AGO3: variants seen among roughly 807,000 people sequenced by gnomAD.
The protein encoded by AGO3 is argonaute RISC catalytic component 3, also known as protein argonaute-3.
AGO3 carries 16 observed loss-of-function variants against 105.5 expected under a neutral mutation model. The observed-to-expected ratio is 0.15, with a 90% CI of 0.10 to 0.23. The LOEUF (loss-of-function observed/expected upper bound fraction) is 0.23, where lower values mean the gene tolerates loss of function less well. AGO3 is among the 10% of genes least tolerant of loss of function. AGO3 has a pLI of 1.00. For missense variants in AGO3, 534 were observed against 1,088.0 expected (o/e 0.49, Z 7.16); for synonymous variants, 340 against 367.3 (o/e 0.93, Z 0.85).
intron 2 of AGO3, among the ~76,000 whole-genome samples, chr1:35,958,330 G>A (rs1286863004): frequency 3.3e-5 from 5 of 150,030 alleles, no homozygotes; most frequent in Non-Finnish European, 5.9e-5. Context: ...GCAGTGAGCC[G>A]AGATCACACC....
rs540546524 is a variant in AGO3, at chr1:35,969,128, G to A, written c.312+2053G>A. ...TTGGGTTTTGGGCAGTGAGTTGTAG[G>A]AGTTCTTTATTTTTAGATTTTTTAT... On this transcript the variant is annotated intron_variant, in intron 3 of 18. Coordinates refer to ENST00000373191, the MANE Select transcript of AGO3 (RefSeq NM_024852.4). Among the ~76,000 whole-genome samples the A allele has an allele frequency of 3.3e-5, 5 of 152,030 alleles. No homozygotes were observed. The East Asian group carries it at 9.6e-4, about 29-fold the overall frequency.
Position 36,013,647 on chromosome 1 carries a change from T to C in AGO3, c.1167T>C (p.Tyr389=). 1 of 1,613,948 alleles carries C rather than the reference T, an allele frequency of 6.2e-7. No homozygotes were observed. The highest frequency in any genetic ancestry group is 8.5e-7 in the Non-Finnish European group (1 of 1,179,922). ...EISRLVRSAN[Y]ETDPFVQEFQ... is the part of the protein sequence containing the mutation. ...ATTTTTAGGTAAGAAGTGCAAATTA[T>C]GAAACAGATCCATTTGTTCAGGAGT... Residue 389 remains tyrosine (Y), a synonymous_variant, in exon 10 of 19, where the codon TAT becomes TAC. Coordinates refer to ENST00000373191, the MANE Select transcript of AGO3 (RefSeq NM_024852.4).
At chr1:35,972,603 C>G (rs1646888136) in intron 4 of AGO3, among the ~76,000 whole-genome samples, 1 of 151,894 alleles carries the variant, frequency 6.6e-6, no homozygotes, top group Non-Finnish European at 1.5e-5. Context: ...TGCTTTTTTT[C>G]AATAACCCTA....
At chr1:35,959,034 G>T (rs1156953295) in intron 2 of AGO3, among the ~76,000 whole-genome samples, 3 of 152,242 alleles carry the variant, frequency 2.0e-5, no homozygotes, top group East Asian at 3.9e-4. Flanking sequence ...GAATTAAGAG[G>T]TACCTAATAA....
intron 5 of AGO3, among the ~76,000 whole-genome samples, chr1:35,995,209 A>AAAAAAAAATAT (rs1237315557): frequency 8.7e-6 from 1 of 114,790 alleles, no homozygotes; most frequent in African/African-American, 3.8e-5. Context: ...TAAAAAAAAA[A>AAAAAAAAATAT]ATATATATAT....
intron 12 of AGO3, among the ~76,000 whole-genome samples, chr1:36,030,205 T>G (rs990161799): frequency 6.6e-6 from 1 of 151,912 alleles, no homozygotes; most frequent in Non-Finnish European, 1.5e-5. Context: ...TTATTCATAG[T>G]TAAAGAAAAA....
At chr1:35,994,153 T>C (rs1223077648) in intron 5 of AGO3, among the ~76,000 whole-genome samples, 1 of 148,076 alleles carries the variant, frequency 6.8e-6, no homozygotes, top group African/African-American at 2.5e-5. Context: ...CGAGCTATGC[T>C]GCTCAGGCTG....
At chr1:35,973,229 T>C in intron 4 of AGO3, 146 bp from the exon 5 acceptor site, 1 of 914,424 alleles carries the variant, frequency 1.1e-6, no homozygotes, top group East Asian at 3.2e-5. Context: ...TACTTTTTGC[T>C]TTCTCAAATT....
At chr1:35,993,309 G>T (rs747783496) in intron 5 of AGO3, among the ~76,000 whole-genome samples, 3 of 151,888 alleles carry the variant, frequency 2.0e-5, no homozygotes, top group Non-Finnish European at 2.9e-5. Context: ...TTAAAAAACT[G>T]TACAGAATAT....
chr1:36,003,025 C>T (rs914540022), intron 5 of AGO3, among the ~76,000 whole-genome samples: 9 of 151,722 alleles, frequency 5.9e-5, no homozygotes, highest in Admixed American at 2.0e-4. Context: ...GAGCCGAGAT[C>T]GCGCCATTGC....
chr1:36,049,155 C>T (rs181873677), intron 17 of AGO3, among the ~76,000 whole-genome samples: 32 of 152,242 alleles, frequency 2.1e-4, no homozygotes, highest in Admixed American at 1.4e-3. Context: ...ACATTGAGCA[C>T]ACATGGACAT....
intron 5 of AGO3, among the ~76,000 whole-genome samples, chr1:35,995,669 G>C (rs1648261044): frequency 1.3e-5 from 2 of 152,048 alleles, no homozygotes; most frequent in African/African-American, 4.8e-5. Context: ...TCATGATCTT[G>C]GACGAGGCAA....
At chr1:35,963,775 A>G (rs550826608) in intron 2 of AGO3, among the ~76,000 whole-genome samples, 82 of 152,302 alleles carry the variant, frequency 5.4e-4, no homozygotes, top group Middle Eastern at 3.4e-3. Flanking sequence ...TGGAAAGTAA[A>G]GGACTAGTAT....
intron 16 of AGO3, 83 bp downstream of exon 16, chr1:36,040,524 C>G: frequency 2.7e-6 from 4 of 1,462,450 alleles, no homozygotes; most frequent in Non-Finnish European, 3.7e-6. Context: ...GGCCCTCTGC[C>G]AACAGCAGGA....
intron 9 of AGO3, among the ~76,000 whole-genome samples, chr1:36,012,720 T>G (rs1016721984): frequency 6.6e-6 from 1 of 152,130 alleles, no homozygotes; most frequent in African/African-American, 2.4e-5. Context: ...TCTTTTTAGG[T>G]GAGATATTTC....
At chr1:36,040,162 C>G in intron 15 of AGO3, 145 bp from the exon 16 acceptor site, 1 of 1,165,448 alleles carries the variant, frequency 8.6e-7, no homozygotes, top group South Asian at 1.6e-5. Context: ...TTGCTAAGAC[C>G]ATGTTCTAAT....
chr1:36,012,078 T>G (rs1428229042), intron 9 of AGO3, among the ~76,000 whole-genome samples: 1 of 152,084 alleles, frequency 6.6e-6, no homozygotes, highest in Non-Finnish European at 1.5e-5. Flanking sequence ...CTTACACCTG[T>G]AACCCCATCA....
chr1:35,965,894 C>T (rs1646765595), intron 2 of AGO3, among the ~76,000 whole-genome samples: 1 of 145,860 alleles, frequency 6.9e-6, no homozygotes, highest in Admixed American at 7.1e-5. Flanking sequence ...GGCGTGATCT[C>T]GGCTCACCAC....
At chr1:36,038,741 A>G (rs888446817) in intron 14 of AGO3, among the ~76,000 whole-genome samples, 1 of 152,218 alleles carries the variant, frequency 6.6e-6, no homozygotes, top group Middle Eastern at 3.2e-3. Flanking sequence ...AGACATAACA[A>G]TATTAGACAC....
Sources: allele counts gnomAD v4.1 joint callset (sites outside exome capture counted in the v4.1 genomes callset), GRCh38; gene constraint gnomAD v4.1.1; transcripts MANE v1.5; gene names NCBI Gene and HGNC (gene_info 2026-07-23, HGNC 2026-07-21).